SIK3: variants seen among roughly 807,000 people sequenced by gnomAD.
The protein encoded by SIK3 is SIK family kinase 3.
In SIK3, 28 loss-of-function variants were observed where a neutral mutation model predicts 144.2. The observed-to-expected ratio is 0.19, with a 90% confidence interval of 0.14 to 0.27. SIK3 has a LOEUF of 0.27. SIK3 is among the 10% of genes least tolerant of loss of function. The probability of loss-of-function intolerance (pLI) is 1.00; values close to 1 mark genes in which losing one functional copy is unlikely to be tolerated. For missense variants in SIK3, 1,319 were observed against 1,776.0 expected (o/e 0.74, Z 4.62); for synonymous variants, 686 against 676.3 (o/e 1.01, Z -0.22).
At chr11:117,028,723 A>G (rs969734413) in intron 1 of SIK3, among the ~76,000 whole-genome samples, 1 of 152,198 alleles carries the variant, frequency 6.6e-6, no homozygotes, top group African/African-American at 2.4e-5. Flanking sequence ...TGGGAGCCAT[A>G]TCAGGCATGG....
rs74764550 is a variant in SIK3, at chr11:116,993,890, T to C, written c.274-36826A>G. On this transcript the variant is annotated intron_variant, in intron 1 of 24. Coordinates refer to ENST00000445177, the MANE Select transcript of SIK3 (RefSeq NM_001366686.3). ...AGCCAAGCAAGTGCCTTTTCCGAAC[T>C]GTGTGGCACACAGACATCAGGAGGA... is the stretch of plus-strand genomic sequence containing the variant. Among the ~76,000 whole-genome samples, 39 of 152,354 alleles carry C rather than the reference T, an allele frequency of 2.6e-4. No homozygotes were observed. In the East Asian group the frequency reaches 7.5e-3, roughly 29 times the overall value.
chr11:116,876,864 T>C (rs1944285274), intron 7 of SIK3, 60 bp downstream of exon 7: 2 of 1,380,592 alleles, frequency 1.4e-6, no homozygotes, highest in African/African-American at 1.4e-5. Context: ...TACAATCACA[T>C]GCAAAGGAGG....
rs1943489553 is a variant in SIK3, at chr11:116,863,909, CGGCT to C, written c.1953-95_1953-92del. 10 of 1,353,034 alleles carry C rather than the reference CGGCT, an allele frequency of 7.4e-6. No individual in the cohort carries two copies. The South Asian group carries it at 1.4e-4, about 19-fold the overall frequency. 83.8% of individuals were successfully genotyped at this position (1,353,034 alleles called of 1,614,324 possible). A position where few individuals can be genotyped will look rare whatever the true frequency, so the allele number is the denominator to read the frequency against. On this transcript the variant is annotated intron_variant, in intron 15 of 24. Coordinates refer to ENST00000445177, the MANE Select transcript of SIK3 (RefSeq NM_001366686.3). ...CTGCTGTTCCAGATGAACATAAAGA[CGGCT>C]GGCTGCCCAGGTAGCCCTGCATATT...
intron 1 of SIK3, among the ~76,000 whole-genome samples, chr11:117,001,607 AG>A (rs1376545080): frequency 7.2e-5 from 11 of 152,178 alleles, no homozygotes; most frequent in African/African-American, 2.4e-4. Flanking sequence ...TCACAAGCCC[AG>A]GAATTGGAGG....
chr11:117,092,076 C>T (rs1955274142), intron 1 of SIK3, among the ~76,000 whole-genome samples: 1 of 152,148 alleles, frequency 6.6e-6, no homozygotes, highest in Admixed American at 6.5e-5. Flanking sequence ...TGAGCCACCA[C>T]ATCCAGCCAC....
chr11:117,088,320 A>G (rs531134960), intron 1 of SIK3, among the ~76,000 whole-genome samples: 11 of 152,320 alleles, frequency 7.2e-5, no homozygotes, highest in African/African-American at 2.6e-4. Flanking sequence ...GATCTTCCTA[A>G]TAGTAAAAGT....
chr11:116,896,520 T>A (rs535202957), intron 5 of SIK3, 144 bp from the exon 6 acceptor site: 1 of 837,422 alleles, frequency 1.2e-6, no homozygotes, highest in East Asian at 3.0e-5. Context: ...CAGTTAACAA[T>A]CTTCTTTGCT....
intron 1 of SIK3, among the ~76,000 whole-genome samples, chr11:116,999,286 C>T (rs780548572): frequency 1.6e-4 from 24 of 152,184 alleles, no homozygotes; most frequent in Non-Finnish European, 2.8e-4. Context: ...GTTGTACTAA[C>T]AGAACAGACA....
At chr11:117,058,270 C>A (rs1484664173) in intron 1 of SIK3, among the ~76,000 whole-genome samples, 1 of 152,036 alleles carries the variant, frequency 6.6e-6, no homozygotes, top group Non-Finnish European at 1.5e-5. Flanking sequence ...ACCTGTAATC[C>A]CAGCACTTTG....
intron 1 of SIK3, among the ~76,000 whole-genome samples, chr11:117,011,942 G>A (rs548342285): frequency 9.2e-5 from 14 of 152,102 alleles, no homozygotes; most frequent in Admixed American, 3.3e-4. Context: ...CCTGCTTGGC[G>A]GTCTGGCTAT....
chr11:117,036,048 G>A (rs903956900), intron 1 of SIK3: 4 of 1,241,788 alleles, frequency 3.2e-6, no homozygotes, highest in Non-Finnish European at 3.4e-6. Flanking sequence ...TTTGCAAGAG[G>A]CATGTTCTCG....
chr11:116,868,473 A>G (rs1943774422), intron 14 of SIK3, among the ~76,000 whole-genome samples: 1 of 152,188 alleles, frequency 6.6e-6, no homozygotes, highest in Non-Finnish European at 1.5e-5. Context: ...AGCCCTAAGG[A>G]CTATTCCTAG....
chr11:116,847,640 A>G (rs1387046626), intron 22 of SIK3, 32 bp from the exon 23 acceptor site: 10 of 1,613,076 alleles, frequency 6.2e-6, no homozygotes, highest in Non-Finnish European at 8.5e-6. Flanking sequence ...AGAAATAAGC[A>G]CACAAGACAC....
At chr11:117,016,034 A>C (rs1951509072) in intron 1 of SIK3, 1 of 152,058 alleles carries the variant, frequency 6.6e-6, no homozygotes, top group South Asian at 2.1e-4. Context: ...ACTGAAGATA[A>C]AGAAATCCTG....
intron 4 of SIK3, among the ~76,000 whole-genome samples, chr11:116,914,096 GAAAC>G (rs199650866): frequency 0.025 from 3,732 of 149,788 alleles, 85 homozygotes; most frequent in South Asian, 0.11. Context: ...AAGCTAATAG[GAAAC>G]AAACAAACAA....
At chr11:117,094,018 G>A (rs775307680) in intron 1 of SIK3, among the ~76,000 whole-genome samples, 1 of 152,156 alleles carries the variant, frequency 6.6e-6, no homozygotes, top group South Asian at 2.1e-4. Flanking sequence ...TGCTCTAAGA[G>A]CTTTACATAC....
chr11:116,968,986 T>C lies in SIK3; in HGVS notation c.274-11922A>G, dbSNP rs143725204. On this transcript the variant is annotated intron_variant, in intron 1 of 24. Transcript: ENST00000445177. Reference sequence around the variant, plus strand: ...CAAAAGAATCTCCAGATATCAGAAATAGTTTCATTTAAGATAGACAGACGG... The same window carrying C: ...CAAAAGAATCTCCAGATATCAGAAACAGTTTCATTTAAGATAGACAGACGG... 5.2e-3 allele frequency among the ~76,000 whole-genome samples: 793 copies of C among 152,108 alleles called. 5 individuals carry two copies. Among genetic ancestry groups the C allele is most frequent in the Non-Finnish European group, 8.3e-3 (565 of 67,978 alleles).
intron 1 of SIK3, among the ~76,000 whole-genome samples, chr11:117,051,099 T>C (rs916591891): frequency 3.3e-5 from 5 of 152,236 alleles, no homozygotes; most frequent in African/African-American, 7.2e-5. Context: ...CATAATCTGT[T>C]TACCCTTTTC....
chr11:117,048,610 C>A (rs889466484), intron 1 of SIK3, among the ~76,000 whole-genome samples: 1 of 152,026 alleles, frequency 6.6e-6, no homozygotes, highest in Non-Finnish European at 1.5e-5. Flanking sequence ...AAGCAGAGAT[C>A]GGGCCATTGC....
Sources: gnomAD v4.1 joint callset for allele counts (sites outside exome capture counted in the v4.1 genomes callset) on GRCh38, gnomAD v4.1.1 for gene constraint, MANE v1.5 for transcripts, NCBI Gene and HGNC (gene_info 2026-07-23, HGNC 2026-07-21) for gene names.